PPP2R2B: variants seen among roughly 807,000 people sequenced by gnomAD.
PPP2R2B encodes serine/threonine-protein phosphatase 2A 55 kDa regulatory subunit B beta isoform.
A neutral mutation model predicts 46.0 loss-of-function variants in PPP2R2B; 5 were observed. That is an observed-to-expected ratio of 0.11 (90% CI 0.06 to 0.23). PPP2R2B has a LOEUF of 0.23. PPP2R2B is among the 10% of genes least tolerant of loss of function. The pLI is 1.00. For missense variants in PPP2R2B, 367 were observed against 575.0 expected, an observed-to-expected ratio of 0.64 and a Z score of 3.70; for synonymous variants, 215 against 206.7, an observed-to-expected ratio of 1.04 and a Z score of -0.34.
chr5:146,895,533 C>T (rs1442467194), intron 1 of PPP2R2B, among the ~76,000 whole-genome samples: 1 of 152,082 alleles, frequency 6.6e-6, no homozygotes, highest in Non-Finnish European at 1.5e-5. Flanking sequence ...AGTTTTTAAT[C>T]TCATCAGCAG....
intron 2 of PPP2R2B, among the ~76,000 whole-genome samples, chr5:146,841,058 T>G (rs1409339938): frequency 1.3e-5 from 2 of 151,952 alleles, no homozygotes; most frequent in Non-Finnish European, 2.9e-5. Context: ...GGTAACAAAG[T>G]CAAGGAGACT....
chr5:146,807,242 G>C (rs1369702783), intron 2 of PPP2R2B, among the ~76,000 whole-genome samples: 2 of 152,188 alleles, frequency 1.3e-5, no homozygotes. Flanking sequence ...GTCCAGTGTA[G>C]TGCACTGTCA....
Position 146,878,286 on chromosome 5 carries a change from G to T in PPP2R2B, c.-124-91C>A. On this transcript the variant is annotated intron_variant, in intron 1 of 9. Coordinates refer to ENST00000394411, the MANE Select transcript of PPP2R2B (RefSeq NM_181675.4). This position sits in a 1 kb window ranked among gnomAD's most constrained non-coding sequence, Gnocchi z 4.5. ...TCCACTCGGGTTCTGCGAGGCTGCGGCGGCTCCTCCCGCGCGGTGCGCTCA... is the reference window on the plus strand; with the variant it reads ...TCCACTCGGGTTCTGCGAGGCTGCGTCGGCTCCTCCCGCGCGGTGCGCTCA... The T allele has an allele frequency of 6.8e-7, 1 of 1,460,118 alleles. No homozygotes were observed. Among genetic ancestry groups the T allele is most frequent in the South Asian group, 1.4e-5 (1 of 70,226 alleles). The allele number at this position is 1,460,118 out of a possible 1,614,324, so 90.4% of individuals were successfully genotyped here. A position where few individuals can be genotyped will look rare whatever the true frequency, so the allele number is the denominator to read the frequency against.
At position 146,698,349 on chromosome 5, in the gene PPP2R2B, TATAC is replaced by T. The variant is rs1245281160; in HGVS notation, c.169-209_169-206del. Among the ~76,000 whole-genome samples, 65 of 108,410 alleles carry T rather than the reference TATAC, an allele frequency of 6.0e-4. 1 individual carries two copies. Among genetic ancestry groups the T allele is most frequent in the African/African-American group, 2.2e-3 (58 of 26,066 alleles). 71.1% of individuals were successfully genotyped at this position (108,410 alleles called of 152,430 possible). ...ATATATATATATATATATATATATA[TATAC>T]ACACACATATAATTATACACATGAA... On this transcript the variant is annotated intron_variant, in intron 3 of 9. Coordinates refer to ENST00000394411, the MANE Select transcript of PPP2R2B (RefSeq NM_181675.4).
chr5:146,940,812 A>G (rs969147459), intron 1 of PPP2R2B, among the ~76,000 whole-genome samples: 2 of 152,264 alleles, frequency 1.3e-5, no homozygotes, highest in Admixed American at 1.3e-4. Flanking sequence ...CTATCATATG[A>G]GCATCCAAAC....
intron 1 of PPP2R2B, among the ~76,000 whole-genome samples, chr5:146,942,925 G>A (rs1764367818): frequency 6.6e-6 from 1 of 151,868 alleles, no homozygotes; most frequent in African/African-American, 2.4e-5. Flanking sequence ...AGTCTCCCGA[G>A]TAGCTGGGAC....
At chr5:147,051,397 C>T (rs1756809954) in intron 1 of PPP2R2B, among the ~76,000 whole-genome samples, 1 of 152,174 alleles carries the variant, frequency 6.6e-6, no homozygotes, top group South Asian at 2.1e-4. Context: ...GTTCATGGTG[C>T]TGAAGCTGCT....
intron 1 of PPP2R2B, among the ~76,000 whole-genome samples, chr5:147,023,081 G>T (rs186602449): frequency 2.0e-5 from 3 of 152,010 alleles, no homozygotes; most frequent in African/African-American, 4.8e-5. Context: ...ACAATGAATT[G>T]TATTATGCCA....
intron 2 of PPP2R2B, among the ~76,000 whole-genome samples, chr5:146,852,716 C>A (rs1760420525): frequency 6.6e-6 from 1 of 152,076 alleles, no homozygotes; most frequent in South Asian, 2.1e-4. Context: ...GCAACATGAA[C>A]CTGCTTATGT....
rs73796023 is a variant in PPP2R2B at position 146,889,528 on chromosome 5, T to C, written c.79+166137A>G. Among the ~76,000 whole-genome samples, 563 of 152,308 alleles carry C rather than the reference T, an allele frequency of 3.7e-3. 4 individuals are homozygous for C. The highest frequency in any genetic ancestry group is 0.013 in the African/African-American group (539 of 41,572). On this transcript the variant is annotated intron_variant, in intron 1 of 8. Transcript: ENST00000336640. ...ACAATACTTTATGCATATTGTCACA[T>C]GGCAGGAGGTTAATGGCAGGGGGGT...
intron 5 of PPP2R2B, among the ~76,000 whole-genome samples, chr5:146,686,536 A>G (rs982819749): frequency 2.6e-5 from 4 of 152,216 alleles, no homozygotes; most frequent in African/African-American, 9.6e-5. Flanking sequence ...CCTGGCACAT[A>G]GTAAGCACTC....
intron 1 of PPP2R2B, among the ~76,000 whole-genome samples, chr5:147,051,753 C>CTTTTTTTTTTTT (rs60522229): frequency 1.1e-5 from 1 of 92,366 alleles, no homozygotes; most frequent in Non-Finnish European, 2.0e-5. Flanking sequence ...GTTTTGCTTC[C>CTTTTTTTTTTTT]TTTTTTTTTT....
intron 2 of PPP2R2B, among the ~76,000 whole-genome samples, chr5:146,825,995 G>T (rs923798516): frequency 6.6e-6 from 1 of 152,160 alleles, no homozygotes; most frequent in Non-Finnish European, 1.5e-5. Flanking sequence ...ATGAGTTATA[G>T]ATATAAGAAG....
chr5:146,676,062 T>C (rs1305802686), intron 5 of PPP2R2B, among the ~76,000 whole-genome samples: 4 of 151,938 alleles, frequency 2.6e-5, no homozygotes, highest in African/African-American at 4.8e-5. Flanking sequence ...AGAAACCCGG[T>C]GGAGGCCATG....
intron 1 of PPP2R2B, among the ~76,000 whole-genome samples, chr5:146,942,955 G>A (rs1048648552): frequency 1.4e-4 from 22 of 151,976 alleles, no homozygotes; most frequent in Admixed American, 7.9e-4. Flanking sequence ...CCGCCACCAC[G>A]CCTGACTAAT....
chr5:146,757,143 G>A (rs1012721812), intron 2 of PPP2R2B, among the ~76,000 whole-genome samples: 2 of 152,082 alleles, frequency 1.3e-5, no homozygotes, highest in Non-Finnish European at 2.9e-5. Context: ...GCAAGTGTGA[G>A]GAACTGACAG....
chr5:146,769,235 T>C (rs1279363980), intron 2 of PPP2R2B, among the ~76,000 whole-genome samples: 2 of 152,172 alleles, frequency 1.3e-5, no homozygotes, highest in South Asian at 2.1e-4. Flanking sequence ...TCACAGTAGT[T>C]TTCAAAATGT....
intron 5 of PPP2R2B, among the ~76,000 whole-genome samples, chr5:146,685,729 C>T (rs1346044565): frequency 3.3e-5 from 5 of 152,146 alleles, no homozygotes; most frequent in Non-Finnish European, 7.3e-5. Flanking sequence ...AAGTTTAGTT[C>T]TGGAGATTCA....
chr5:146,582,705 C>T lies in PPP2R2B; in HGVS notation c.*7242G>A, dbSNP rs1163729632. 1.3e-5 allele frequency: 2 copies of T among 152,194 alleles called. No individual in the cohort carries two copies. Among genetic ancestry groups the T allele is most frequent in the African/African-American group, 4.8e-5 (2 of 41,450 alleles). The allele number at this position is 152,194 out of a possible 1,614,324, so 9.4% of individuals were successfully genotyped here. A position where few individuals can be genotyped will look rare whatever the true frequency, so the allele number is the denominator to read the frequency against. On this transcript the variant is annotated 3_prime_UTR_variant, in exon 10 of 10. Transcript: ENST00000394411. Reference sequence around the variant, plus strand: ...ATTCAACAAAACTTTTGAGCACCTACTATGAGCCAGACAATGTTCTGTGCT... The same window carrying T: ...ATTCAACAAAACTTTTGAGCACCTATTATGAGCCAGACAATGTTCTGTGCT...
Sources: gnomAD v4.1 joint callset for allele counts (sites outside exome capture counted in the v4.1 genomes callset) on GRCh38, gnomAD v4.1.1 for gene constraint, Gnocchi (gnomAD v3.1) non-coding constraint, MANE v1.5 for transcripts, NCBI Gene and HGNC (gene_info 2026-07-23, HGNC 2026-07-21) for gene names.